HEATR4: variants seen among roughly 807,000 people sequenced by gnomAD.
HEATR4 encodes HEAT repeat containing 4.
HEATR4 carries 95 observed loss-of-function variants against 108.8 expected under a neutral mutation model. The observed-to-expected ratio is 0.87, with a 90% CI of 0.74 to 1.04. The LOEUF is 1.04. Among genes scored for constraint, HEATR4 ranks in the 50% least tolerant of loss-of-function variants. The pLI is 0.00. For synonymous variants in HEATR4, 443 were observed against 459.4 expected, an observed-to-expected ratio of 0.96 and a Z score of 0.46; for missense variants, 1,152 against 1,253.8, an observed-to-expected ratio of 0.92 and a Z score of 1.23.
At chr14:73,488,063 G>A (rs1313736132) in intron 17 of HEATR4, among the ~76,000 whole-genome samples, 1 of 152,104 alleles carries the variant, frequency 6.6e-6, no homozygotes, top group Non-Finnish European at 1.5e-5. Flanking sequence ...GACAGGTTTG[G>A]GGCCTCAACT....
chr14:73,592,441 T>C, the HEATR4 span: 1 of 1,482,592 alleles, frequency 6.7e-7, no homozygotes, highest in Non-Finnish European at 8.9e-7. Context: ...TGGCGGGTGG[T>C]GTGAGCGTCA....
the HEATR4 span, among the ~76,000 whole-genome samples, chr14:73,605,412 A>C: frequency 6.6e-6 from 1 of 152,166 alleles, no homozygotes; most frequent in African/African-American, 2.4e-5. Flanking sequence ...GGAGGAACTT[A>C]GTTTATAGGT....
At chr14:73,614,099 G>T in the HEATR4 span, among the ~76,000 whole-genome samples, 2 of 151,750 alleles carry the variant, frequency 1.3e-5, no homozygotes, top group Admixed American at 6.6e-5. Flanking sequence ...TGCTTGGGAG[G>T]CTGAGGTGGG....
rs773231441 is a variant in HEATR4, at chr14:73,492,150, G to C, written c.2844+916C>G. ...GCTCTGACATCCAGCCCCAACTTCA[G>C]TCAGGACGACCTCGGTGAGCCGGTG... On this transcript the variant is annotated intron_variant, in intron 17 of 17. Coordinates refer to ENST00000553558, the MANE Select transcript of HEATR4 (RefSeq NM_001220484.1). The surrounding 1 kb of genome is among the most constrained non-coding windows in gnomAD (Gnocchi z 4.9). 10 of 1,613,990 alleles carry C rather than the reference G, an allele frequency of 6.2e-6. No individual in the cohort carries two copies. In the East Asian group the frequency reaches 2.2e-4, roughly 36 times the overall value.
rs1443903424 is a variant in HEATR4 at position 73,556,994 on chromosome 14, C to T, written c.-152+1757G>A. On this transcript the variant is annotated intron_variant, in intron 1 of 17. Coordinates refer to ENST00000553558, the MANE Select transcript of HEATR4 (RefSeq NM_001220484.1). ...CCTTATTATCGAAACTTACACATTA[C>T]GTGACCAGCATTATGAGGCAGCACC... is the stretch of plus-strand genomic sequence containing the variant. Among the ~76,000 whole-genome samples the T allele has an allele frequency of 1.8e-5, 2 of 113,310 alleles. 1 individual carries two copies. Among genetic ancestry groups the T allele is most frequent in the Non-Finnish European group, 3.9e-5 (2 of 51,836 alleles). 74.3% of individuals were successfully genotyped at this position (113,310 alleles called of 152,430 possible). A position where few individuals can be genotyped will look rare whatever the true frequency, so the allele number is the denominator to read the frequency against.
intron 12 of HEATR4, 116 bp downstream of exon 12, chr14:73,500,434 T>C: frequency 3.5e-6 from 4 of 1,151,614 alleles, no homozygotes; most frequent in Non-Finnish European, 4.9e-6. Context: ...CCCTTCCCAG[T>C]TCCAATCTCT....
At chr14:73,619,730 G>A in the HEATR4 span, 1 of 1,614,098 alleles carries the variant, frequency 6.2e-7, no homozygotes, top group Admixed American at 1.7e-5. Context: ...TTCTATGGAG[G>A]TGAGCCAAAG....
At position 73,523,211 on chromosome 14, in the gene HEATR4, A is replaced by G; in HGVS notation, c.-59T>C. ...CCTGGCCTAGAGGAAAGGCCTGGAG[A>G]TGAGACCTGGCACCTGTTAAGGGAA... On this transcript the variant is annotated 5_prime_UTR_variant, in exon 3 of 18. Transcript: ENST00000553558. 2 of 1,473,470 alleles carry G rather than the reference A, an allele frequency of 1.4e-6. No homozygotes were observed. The highest frequency in any genetic ancestry group is 1.8e-6 in the Non-Finnish European group (2 of 1,109,672). The allele number at this position is 1,473,470 out of a possible 1,614,324, so 91.3% of individuals were successfully genotyped here. A position where few individuals can be genotyped will look rare whatever the true frequency, so the allele number is the denominator to read the frequency against.
chr14:73,523,953 C>A (rs1215870094), intron 2 of HEATR4, among the ~76,000 whole-genome samples: 1 of 152,092 alleles, frequency 6.6e-6, no homozygotes, highest in Non-Finnish European at 1.5e-5. Flanking sequence ...CTTTCAGAGT[C>A]ATCCAGCACA....
At chr14:73,567,405 T>C in the HEATR4 span, among the ~76,000 whole-genome samples, 2 of 152,028 alleles carry the variant, frequency 1.3e-5, no homozygotes, top group East Asian at 3.8e-4. Context: ...AGCTAAAGGA[T>C]TGTAAATGCA....
At chr14:73,566,057 T>C in the HEATR4 span, among the ~76,000 whole-genome samples, 6 of 152,000 alleles carry the variant, frequency 3.9e-5, no homozygotes, top group Non-Finnish European at 8.8e-5. Flanking sequence ...ATACAGAGTG[T>C]TGACACAAAG....
chr14:73,486,022 T>C (rs1343019975), intron 17 of HEATR4, among the ~76,000 whole-genome samples: 1 of 152,190 alleles, frequency 6.6e-6, no homozygotes, highest in Non-Finnish European at 1.5e-5. Context: ...CCAGTGAATA[T>C]TTTTTAAGGA....
chr14:73,487,511 T>C (rs1885497903), intron 17 of HEATR4, among the ~76,000 whole-genome samples: 1 of 152,128 alleles, frequency 6.6e-6, no homozygotes, highest in South Asian at 2.1e-4. Flanking sequence ...GAGGTTGTAG[T>C]GGGCCAAGAT....
At chr14:73,612,542 C>G in the HEATR4 span, 2 of 1,267,200 alleles carry the variant, frequency 1.6e-6, no homozygotes, top group African/African-American at 1.6e-5. Flanking sequence ...CTCCGCGGAG[C>G]TGGGTCGCCC....
chr14:73,633,372 C>T, the HEATR4 span, among the ~76,000 whole-genome samples: 1 of 152,154 alleles, frequency 6.6e-6, no homozygotes, highest in Non-Finnish European at 1.5e-5. Context: ...CCCTATGTCC[C>T]CGCTGGGCTC....
At chr14:73,603,343 G>GT in the HEATR4 span, among the ~76,000 whole-genome samples, 33 of 151,360 alleles carry the variant, frequency 2.2e-4, no homozygotes, top group East Asian at 5.8e-4. Context: ...CCAATAATCT[G>GT]TTTTTTTTGT....
chr14:73,496,558 A>C (rs553731502), intron 15 of HEATR4, 43 bp downstream of exon 15: 33 of 1,208,584 alleles, frequency 2.7e-5, no homozygotes, highest in Non-Finnish European at 3.9e-5. Flanking sequence ...AACTCTTGAG[A>C]GTCCTGAATT....
chr14:73,617,887 G>C, the HEATR4 span, among the ~76,000 whole-genome samples: 3 of 137,836 alleles, frequency 2.2e-5, no homozygotes, highest in Non-Finnish European at 4.6e-5. Flanking sequence ...GCTCACGTCT[G>C]TAATCCCAGT....
At chr14:73,560,445 G>C (rs1337390726), upstream of HEATR4, among the ~76,000 whole-genome samples, 1 of 151,932 alleles carries the variant, frequency 6.6e-6, no homozygotes, top group Non-Finnish European at 1.5e-5. Flanking sequence ...GGCGGATCAC[G>C]AGGTCAGGAG....
Sources: gnomAD v4.1 joint callset for allele counts (sites outside exome capture counted in the v4.1 genomes callset) on GRCh38, gnomAD v4.1.1 for gene constraint, Gnocchi (gnomAD v3.1) non-coding constraint, MANE v1.5 for transcripts, NCBI Gene and HGNC (gene_info 2026-07-23, HGNC 2026-07-21) for gene names.